Variants in GABRP observed in about 807,000 individuals in gnomAD.
GABRP encodes the protein gamma-aminobutyric acid type A receptor subunit pi, also known as gamma-aminobutyric acid receptor subunit pi.
In GABRP, 52 loss-of-function variants were observed where a neutral mutation model predicts 47.8. The observed-to-expected ratio is 1.09, with a 90% CI of 0.87 to 1.37. GABRP has a LOEUF of 1.37. GABRP is among the 40% of genes most tolerant of loss of function. The pLI is 0.00. For synonymous variants in GABRP, 221 were observed against 205.8 expected (o/e 1.07, Z -0.63); for missense variants, 525 against 542.8 (o/e 0.97, Z 0.33).
chr5:170,802,494 C>A (rs571724978), intron 6 of GABRP, among the ~76,000 whole-genome samples: 1 of 152,284 alleles, frequency 6.6e-6, no homozygotes, highest in African/African-American at 2.4e-5. Flanking sequence ...TAAATGCATG[C>A]AGAAACTTCT....
chr5:170,792,464 A>AAGAC (rs1765301864), intron 3 of GABRP, among the ~76,000 whole-genome samples: 3 of 152,036 alleles, frequency 2.0e-5, no homozygotes, highest in African/African-American at 7.2e-5. Flanking sequence ...GAAAGAAAGA[A>AAGAC]AGACAGAAAA....
chr5:170,805,593 G>C, intron 6 of GABRP, 123 bp from the exon 7 acceptor site: 2 of 1,091,786 alleles, frequency 1.8e-6, no homozygotes, highest in Non-Finnish European at 2.6e-6. Context: ...GCATGGGATT[G>C]TCCTTGGACT....
chr5:170,793,571 T>A (rs1239637212), intron 3 of GABRP, among the ~76,000 whole-genome samples: 1 of 152,212 alleles, frequency 6.6e-6, no homozygotes, highest in Non-Finnish European at 1.5e-5. Context: ...GCCATGAGTC[T>A]TGAATGCCTC....
At chr5:170,789,098 G>A in intron 2 of GABRP, 31 bp from the exon 3 acceptor site, 2 of 1,557,246 alleles carry the variant, frequency 1.3e-6, no homozygotes, top group Non-Finnish European at 1.8e-6. Context: ...ACATAAACAA[G>A]CAAACACAAC....
chr5:170,813,975 T>C lies in GABRP; in HGVS notation c.*1717T>C, dbSNP rs1765957563. ...TCTGTTCTGAAACCCCACTTAAGCATTGTTTTTATATAAAAACAATGATAA... is the reference window on the plus strand; with the variant it reads ...TCTGTTCTGAAACCCCACTTAAGCACTGTTTTTATATAAAAACAATGATAA... On this transcript the variant is annotated 3_prime_UTR_variant, in exon 10 of 10. Coordinates refer to ENST00000265294, the MANE Select transcript of GABRP (RefSeq NM_014211.3). The C allele has an allele frequency of 6.6e-6, 1 of 152,188 alleles. No individual in the cohort carries two copies. Among genetic ancestry groups the C allele is most frequent in the African/African-American group, 2.4e-5 (1 of 41,454 alleles). 9.4% of individuals were successfully genotyped at this position (152,188 alleles called of 1,614,324 possible).
chr5:170,798,887 G>A (rs1561811427), intron 6 of GABRP, among the ~76,000 whole-genome samples: 1 of 151,832 alleles, frequency 6.6e-6, no homozygotes, highest in African/African-American at 2.4e-5. Context: ...GTGTTGGTGT[G>A]CTGCACCCAT....
At position 170,813,309 on chromosome 5, in the gene GABRP, G is replaced by A. The variant is rs1240105017; in HGVS notation, c.*1051G>A. 1 of 152,194 alleles carries A rather than the reference G, an allele frequency of 6.6e-6. No homozygotes were observed. Among genetic ancestry groups the A allele is most frequent in the East Asian group, 1.9e-4 (1 of 5,188 alleles). 9.4% of individuals were successfully genotyped at this position (152,194 alleles called of 1,614,324 possible). On this transcript the variant is annotated 3_prime_UTR_variant, in exon 10 of 10. Coordinates refer to ENST00000265294, the MANE Select transcript of GABRP (RefSeq NM_014211.3). ...GGAGCATTCATCCCTTTGCTCTAAT[G>A]ATCAGGAATGATGCTTATTAGAAAA...
Position 170,809,998 on chromosome 5 carries a change from C to T in GABRP, c.1020+243C>T, listed in dbSNP as rs567775033. On this transcript the variant is annotated intron_variant, in intron 9 of 9. Coordinates refer to ENST00000265294, the MANE Select transcript of GABRP (RefSeq NM_014211.3). ...AATTTTCCAGCAGAAAATATGTTAT[C>T]TGTATGCAGCATAAAATCACAACCA... is the stretch of plus-strand genomic sequence containing the variant. The T allele has an allele frequency of 7.3e-5, 51 of 701,396 alleles. No individual in the cohort carries two copies. The African/African-American group carries it at 8.4e-4, about 12-fold the overall frequency. The allele number at this position is 701,396 out of a possible 1,614,324, so 43.4% of individuals were successfully genotyped here. A position where few individuals can be genotyped will look rare whatever the true frequency, so the allele number is the denominator to read the frequency against.
At chr5:170,796,147 G>C (rs772027584) in intron 5 of GABRP, among the ~76,000 whole-genome samples, 2 of 152,204 alleles carry the variant, frequency 1.3e-5, no homozygotes, top group African/African-American at 2.4e-5. Context: ...AATATTCATG[G>C]GGCTGATGTT....
At chr5:170,794,484 A>G (rs1274854392) in intron 4 of GABRP, 186 bp downstream of exon 4, 1 of 406,940 alleles carries the variant, frequency 2.5e-6, no homozygotes, top group East Asian at 3.6e-5. Flanking sequence ...CTTGTAGAGC[A>G]GATTTTCTGA....
chr5:170,797,073 A>G (rs1376408964), intron 5 of GABRP, among the ~76,000 whole-genome samples: 1 of 152,236 alleles, frequency 6.6e-6, no homozygotes, highest in Non-Finnish European at 1.5e-5. Flanking sequence ...ACATGAGCCT[A>G]TGCAAGTCCC....
chr5:170,791,046 A>G (rs944434588), intron 3 of GABRP, among the ~76,000 whole-genome samples: 4 of 152,186 alleles, frequency 2.6e-5, no homozygotes, highest in Non-Finnish European at 5.9e-5. Context: ...GTGAGTCTGC[A>G]CGCCTTGGTT....
chr5:170,798,618 C>G (rs528602493), intron 6 of GABRP, among the ~76,000 whole-genome samples: 1 of 151,996 alleles, frequency 6.6e-6, no homozygotes, highest in East Asian at 1.9e-4. Context: ...TGCCACCCAC[C>G]CACCCTTACT....
chr5:170,786,704 G>C (rs1415360785), intron 1 of GABRP, among the ~76,000 whole-genome samples: 3 of 152,114 alleles, frequency 2.0e-5, no homozygotes, highest in African/African-American at 7.2e-5. Flanking sequence ...CTGTAAAATG[G>C]GGAGAATGGT....
intron 6 of GABRP, 28 bp from the exon 7 acceptor site, chr5:170,805,688 C>G (rs757352374): frequency 6.2e-6 from 10 of 1,613,432 alleles, no homozygotes; most frequent in Non-Finnish European, 8.5e-6. Flanking sequence ...CACCCTTGCA[C>G]TGACCAGGGC....
chr5:170,784,746 C>T (rs1765086016), intron 1 of GABRP, among the ~76,000 whole-genome samples: 1 of 152,214 alleles, frequency 6.6e-6, no homozygotes, highest in South Asian at 2.1e-4. Context: ...TTTCTATTCC[C>T]ATTTGTCAGA....
chr5:170,784,479 G>A (rs1765079404), intron 1 of GABRP, among the ~76,000 whole-genome samples: 1 of 151,942 alleles, frequency 6.6e-6, no homozygotes, highest in South Asian at 2.1e-4. Context: ...AGAGGCGGGG[G>A]AGACTGGGAG....
chr5:170,799,024 T>G (rs1325994969), intron 6 of GABRP, among the ~76,000 whole-genome samples: 1 of 146,530 alleles, frequency 6.8e-6, no homozygotes, highest in Non-Finnish European at 1.5e-5. Context: ...AGTGAGAACA[T>G]GCGGTGTTTG....
At chr5:170,802,814 T>C (rs1765630918) in intron 6 of GABRP, among the ~76,000 whole-genome samples, 1 of 123,178 alleles carries the variant, frequency 8.1e-6, no homozygotes, top group African/African-American at 2.9e-5. Flanking sequence ...GAGCTTTCTC[T>C]GTTCAGCCTC....
Sources: gnomAD v4.1 joint callset for allele counts (sites outside exome capture counted in the v4.1 genomes callset) on GRCh38, gnomAD v4.1.1 for gene constraint, MANE v1.5 for transcripts, NCBI Gene and HGNC (gene_info 2026-07-23, HGNC 2026-07-21) for gene names.